The following ABCA10 variants were observed in gnomAD, a reference collection of about 807,000 sequenced individuals.
The protein encoded by ABCA10 is ATP-binding cassette sub-family A member 10.
Under a neutral mutation model 187.5 loss-of-function variants are expected in ABCA10, and 169 were observed. That is an observed-to-expected ratio of 0.90 (90% CI 0.80 to 1.02). ABCA10 has a LOEUF of 1.02. ABCA10 is among the 50% of genes least tolerant of loss of function. The pLI, the probability that ABCA10 is intolerant of heterozygous loss-of-function variation, is 0.00. For missense variants in ABCA10, 1,727 were observed against 1,812.4 expected, an observed-to-expected ratio of 0.95 and a Z score of 0.86; for synonymous variants, 574 against 601.8, an observed-to-expected ratio of 0.95 and a Z score of 0.68.
At position 69,201,615 on chromosome 17, in the gene ABCA10, A is replaced by T. The variant is rs377502008; in HGVS notation, c.1060T>A (p.Ser354Thr). The change falls in exon 10 of 39, where the codon TCC becomes ACC. Residue 354 changes from serine to threonine, a missense_variant. Transcript: ENST00000690296. ...TCATGATGAGTATTTTGATGTTTGG[A>T]CCAAAATGAGGACTTAAGGAAAAAT... ...PLFFLKSSFW[S>T]KHQNTHHEIF... 1 of 1,611,850 alleles carries T rather than the reference A, an allele frequency of 6.2e-7. No individual in the cohort carries two copies.
chr17:69,160,269 C>G (rs1374741342), intron 27 of ABCA10, among the ~76,000 whole-genome samples: 1 of 152,042 alleles, frequency 6.6e-6, no homozygotes, highest in Non-Finnish European at 1.5e-5. Flanking sequence ...TTTTAAAACT[C>G]CTACAACTCA....
chr17:69,167,137 T>C (rs1208053281), intron 25 of ABCA10, among the ~76,000 whole-genome samples: 1 of 152,140 alleles, frequency 6.6e-6, no homozygotes, highest in Non-Finnish European at 1.5e-5. Flanking sequence ...GGAACTGCCT[T>C]TTAAAGTTAT....
In ABCA10 at chr17:69,190,732, T is replaced by C. The variant is rs181387733; in HGVS notation, c.2012-255A>G. Among the ~76,000 whole-genome samples, 309 of 152,108 alleles carry C rather than the reference T, an allele frequency of 2.0e-3. 3 individuals carry two copies. The highest frequency in any genetic ancestry group is 7.2e-3 in the African/African-American group (298 of 41,558). On this transcript the variant is annotated intron_variant, in intron 17 of 38. Transcript: ENST00000690296. ...ATTGCTGTGTGTGTTTGTATAAGCATGTATCTGTATGTCTATCTAAAAATT... is the reference window on the plus strand; with the variant it reads ...ATTGCTGTGTGTGTTTGTATAAGCACGTATCTGTATGTCTATCTAAAAATT...
intron 10 of ABCA10, 139 bp from the exon 11 acceptor site, chr17:69,197,261 C>A: frequency 1.7e-6 from 1 of 581,706 alleles, no homozygotes; most frequent in Non-Finnish European, 3.0e-6. Flanking sequence ...TAATAAAAGC[C>A]CTCCCCTGAC....
At chr17:69,205,494 A>G (rs1186913175) in intron 9 of ABCA10, among the ~76,000 whole-genome samples, 1 of 152,242 alleles carries the variant, frequency 6.6e-6, no homozygotes. Context: ...ATTCTAGGGA[A>G]ACAAAACAGA....
chr17:69,194,034 C>T, intron 12 of ABCA10, 45 bp from the exon 13 acceptor site: 1 of 1,488,320 alleles, frequency 6.7e-7, no homozygotes, highest in Non-Finnish European at 9.1e-7. Context: ...AATGTTAATT[C>T]TATGCAGAGT....
Position 69,153,787 on chromosome 17 carries a change from T to C in ABCA10, c.3965+44A>G, listed in dbSNP as rs1035905882. On this transcript the variant is annotated intron_variant, in intron 32 of 38. Coordinates refer to ENST00000690296, the MANE Select transcript of ABCA10 (RefSeq NM_001377321.1). The stretch of plus-strand genomic sequence containing the variant: ...AATATATAATGAAGAAATGACATAT[T>C]TTCCCCTTCCTCCTGCTACAAATTG... 3.2e-6 allele frequency: 5 copies of C among 1,562,228 alleles called. No homozygotes were observed. In the Admixed American group the frequency reaches 8.0e-5, roughly 25 times the overall value.
upstream of ABCA10, among the ~76,000 whole-genome samples, chr17:69,230,709 A>G (rs2074826717): frequency 6.6e-6 from 1 of 152,092 alleles, no homozygotes; most frequent in South Asian, 2.1e-4. Flanking sequence ...ATTTGGCAGA[A>G]GTTTTCCTCC....
chr17:69,203,546 T>A (rs1475561532), intron 9 of ABCA10, among the ~76,000 whole-genome samples: 1 of 152,138 alleles, frequency 6.6e-6, no homozygotes, highest in Non-Finnish European at 1.5e-5. Flanking sequence ...CCTAAGAACC[T>A]CGTGAATCTG....
chr17:69,228,468 C>T (rs1277872401), intron 1 of ABCA10, 113 bp downstream of exon 1: 3 of 151,706 alleles, frequency 2.0e-5, no homozygotes, highest in Admixed American at 6.6e-5. Flanking sequence ...TAATTTAGAG[C>T]ATCTGAATAA....
At chr17:69,181,480 A>G (rs941226963) in intron 22 of ABCA10, among the ~76,000 whole-genome samples, 5 of 152,126 alleles carry the variant, frequency 3.3e-5, no homozygotes, top group Admixed American at 6.5e-5. Flanking sequence ...TCTTAATCAG[A>G]CAAGATTTTA....
chr17:69,223,711 T>C (rs2074770302), intron 3 of ABCA10: 1 of 427,454 alleles, frequency 2.3e-6, no homozygotes, highest in South Asian at 1.7e-5. Context: ...TGATTTTCTC[T>C]AGGGGTATAA....
chr17:69,181,755 CT>C (rs1442090201), intron 22 of ABCA10, among the ~76,000 whole-genome samples: 1 of 151,744 alleles, frequency 6.6e-6, no homozygotes, highest in East Asian at 1.9e-4. Flanking sequence ...TTCCTCTTTC[CT>C]TTATAGGAAC....
rs2074390654 is a variant in ABCA10, at chr17:69,182,809, C to T, written c.2498-1G>A. The T allele has an allele frequency of 5.8e-6, 9 of 1,557,832 alleles. No homozygotes were observed. Among genetic ancestry groups the T allele is most frequent in the Non-Finnish European group, 7.8e-6 (9 of 1,158,124 alleles). ...TGCACGAGGTCTTCAATATTTGATCCTAACATAGTGGAAGGAAGGCAACAA... is the reference window on the plus strand; with the variant it reads ...TGCACGAGGTCTTCAATATTTGATCTTAACATAGTGGAAGGAAGGCAACAA... On this transcript the variant is annotated splice_acceptor_variant, in intron 20 of 38. Transcript: ENST00000690296. LOFTEE classifies it high-confidence loss of function.
intron 22 of ABCA10, among the ~76,000 whole-genome samples, chr17:69,179,205 C>CAA (rs5821701): frequency 1.5e-3 from 227 of 148,040 alleles, no homozygotes; most frequent in African/African-American, 5.6e-3. Flanking sequence ...AAAAACAAAA[C>CAA]AAACAAAAAA....
At position 69,182,149 on chromosome 17, in the gene ABCA10, T is replaced by TA; in HGVS notation, c.2769+3_2769+4insT. Reference sequence around the variant, plus strand: ...CTCTTATATAAGTCGAATACTCTACTTACACGAGAAAATGAAGTGCTCTCC... The same window carrying TA: ...CTCTTATATAAGTCGAATACTCTACTATACACGAGAAAATGAAGTGCTCTCC... On this transcript the variant is annotated splice_donor_region_variant and intron_variant, in intron 22 of 38. Coordinates refer to ENST00000690296, the MANE Select transcript of ABCA10 (RefSeq NM_001377321.1). The TA allele has an allele frequency of 6.3e-7, 1 of 1,575,762 alleles. No individual in the cohort carries two copies. Among genetic ancestry groups the TA allele is most frequent in the Non-Finnish European group, 8.6e-7 (1 of 1,161,732 alleles).
chr17:69,167,372 A>T (rs1454363176), intron 25 of ABCA10, among the ~76,000 whole-genome samples: 1 of 152,200 alleles, frequency 6.6e-6, no homozygotes, highest in Non-Finnish European at 1.5e-5. Flanking sequence ...GAAGGATTCC[A>T]CCATTGGAGA....
chr17:69,165,543 T>C (rs1355329492), intron 25 of ABCA10, among the ~76,000 whole-genome samples: 1 of 152,128 alleles, frequency 6.6e-6, no homozygotes, highest in Non-Finnish European at 1.5e-5. Context: ...GTAGGAATAT[T>C]GAACAGTTTA....
intron 2 of ABCA10, 31 bp downstream of exon 2, chr17:69,227,114 G>GATATATATATATATATATAT (rs71892045): frequency 0.013 from 1,737 of 137,066 alleles, 26 homozygotes; most frequent in Admixed American, 0.023. Flanking sequence ...ATTAATTATG[G>GATATATATATATATATATAT]ATATATATAT....
Sources: gnomAD v4.1 joint callset for allele counts (sites outside exome capture counted in the v4.1 genomes callset) on GRCh38, gnomAD v4.1.1 for gene constraint, MANE v1.5 for transcripts, NCBI Gene and HGNC (gene_info 2026-07-23, HGNC 2026-07-21) for gene names.